Variants in SLC9A9 observed in about 807,000 individuals in gnomAD.
SLC9A9 encodes solute carrier family 9 member A9.
A neutral mutation model predicts 77.8 loss-of-function variants in SLC9A9; 62 were observed. The observed-to-expected ratio is 0.80, with a 90% CI of 0.65 to 0.98. SLC9A9 has a LOEUF of 0.98. Among genes scored for constraint, SLC9A9 ranks in the 50% least tolerant of loss-of-function variants. The pLI, the probability that SLC9A9 is intolerant of heterozygous loss-of-function variation, is 0.00. For synonymous variants in SLC9A9, 320 were observed against 283.5 expected (o/e 1.13, Z -1.29); for missense variants, 775 against 774.9 (o/e 1.00, Z 0.00).
intron 4 of SLC9A9, among the ~76,000 whole-genome samples, chr3:143,779,577 G>T (rs1258562856): frequency 6.6e-6 from 1 of 152,074 alleles, no homozygotes; most frequent in Non-Finnish European, 1.5e-5. Context: ...CACCATGTTG[G>T]CCAGGCTGCT....
intron 7 of SLC9A9, among the ~76,000 whole-genome samples, chr3:143,576,274 G>T (rs1464265135): frequency 1.3e-5 from 2 of 152,218 alleles, no homozygotes; most frequent in Non-Finnish European, 2.9e-5. Context: ...CTACCTTCCA[G>T]TGTTCTTGTA....
chr3:143,741,205 C>A (rs990353219), intron 4 of SLC9A9, among the ~76,000 whole-genome samples: 5 of 152,064 alleles, frequency 3.3e-5, no homozygotes, highest in African/African-American at 9.7e-5. Context: ...GTTCCTAACA[C>A]TGGGTAGGAA....
intron 5 of SLC9A9, among the ~76,000 whole-genome samples, chr3:143,679,012 T>G (rs1323386631): frequency 2.8e-5 from 4 of 145,158 alleles, no homozygotes; most frequent in Non-Finnish European, 4.5e-5. Flanking sequence ...TGTTTTGGAT[T>G]GATGTGTGTG....
At chr3:143,661,829 C>T (rs918609449) in intron 5 of SLC9A9, among the ~76,000 whole-genome samples, 1 of 152,154 alleles carries the variant, frequency 6.6e-6, no homozygotes, top group African/African-American at 2.4e-5. Context: ...CCGGCCTCCT[C>T]TTTCTCAGCT....
intron 14 of SLC9A9, among the ~76,000 whole-genome samples, chr3:143,291,067 G>C (rs1427358520): frequency 6.6e-6 from 1 of 152,232 alleles, no homozygotes; most frequent in Non-Finnish European, 1.5e-5. Flanking sequence ...TTGGGATTGG[G>C]TGAAGCCACG....
At position 143,747,082 on chromosome 3, in the gene SLC9A9, G is replaced by C. The variant is rs112885241; in HGVS notation, c.533+47919C>G. The stretch of plus-strand genomic sequence containing the variant: ...CAAAGATATGAGGTCCTAATCCCTG[G>C]AACCCATAAATGTTACCTTATATAA... On this transcript the variant is annotated intron_variant, in intron 4 of 15. Transcript: ENST00000316549. Among the ~76,000 whole-genome samples the C allele has an allele frequency of 3.3e-5, 5 of 152,186 alleles. 1 individual carries two copies. The highest frequency in any genetic ancestry group is 1.2e-4 in the African/African-American group (5 of 41,514).
intron 6 of SLC9A9, among the ~76,000 whole-genome samples, chr3:143,610,130 C>T (rs1263542674): frequency 2.0e-5 from 3 of 151,984 alleles, no homozygotes; most frequent in Middle Eastern, 3.2e-3. Context: ...TTAGAACTTT[C>T]GGAGTTTTCC....
intron 12 of SLC9A9, among the ~76,000 whole-genome samples, chr3:143,392,483 C>A (rs1559895534): frequency 6.6e-6 from 1 of 152,202 alleles, no homozygotes. Flanking sequence ...CTGGTACCAG[C>A]CACTGCAAAA....
chr3:143,623,726 C>T (rs528291780), intron 6 of SLC9A9, among the ~76,000 whole-genome samples: 2 of 152,250 alleles, frequency 1.3e-5, no homozygotes, highest in South Asian at 4.2e-4. Flanking sequence ...AGAGCAAATA[C>T]ATTCAAAAGC....
chr3:143,476,230 A>G (rs2035474575), intron 11 of SLC9A9, among the ~76,000 whole-genome samples: 1 of 152,196 alleles, frequency 6.6e-6, no homozygotes, highest in Non-Finnish European at 1.5e-5. Context: ...AGTGAAGCCA[A>G]CAGATTGTTT....
chr3:143,423,846 A>G (rs1346914481), intron 12 of SLC9A9, among the ~76,000 whole-genome samples: 1 of 152,226 alleles, frequency 6.6e-6, no homozygotes, highest in African/African-American at 2.4e-5. Context: ...TCACGTGCCA[A>G]CTGATGGCAT....
intron 6 of SLC9A9, among the ~76,000 whole-genome samples, chr3:143,581,737 G>T (rs2037457605): frequency 6.6e-6 from 1 of 152,300 alleles, no homozygotes; most frequent in South Asian, 2.1e-4. Flanking sequence ...GACAACAGGA[G>T]TTCAGGTACT....
Position 143,266,828 on chromosome 3 carries a change from C to T in SLC9A9, c.1812G>A (p.Arg604=). 6.2e-7 allele frequency: 1 copy of T among 1,614,168 alleles called. No homozygotes were observed. Among genetic ancestry groups the T allele is most frequent in the Non-Finnish European group, 8.5e-7 (1 of 1,180,016 alleles). Residue 604 remains arginine, a synonymous_variant, in exon 16 of 16, where the codon AGG becomes AGA. Coordinates refer to ENST00000316549, the MANE Select transcript of SLC9A9 (RefSeq NM_173653.4). ...QASSPCSPPA[R]LGLDQKASPQ... The stretch of plus-strand genomic sequence containing the variant: ...GTGAAGCTTTCTGGTCCAGACCTAG[C>T]CTTGCAGGAGGACTGCAGGGTGAGG...
intron 2 of SLC9A9, among the ~76,000 whole-genome samples, chr3:143,810,132 T>C (rs1291513822): frequency 6.6e-6 from 1 of 152,244 alleles, no homozygotes; most frequent in African/African-American, 2.4e-5. Flanking sequence ...CAGCAAATTT[T>C]AAATATTATC....
At chr3:143,703,288 T>C (rs192276797) in intron 4 of SLC9A9, among the ~76,000 whole-genome samples, 1 of 152,102 alleles carries the variant, frequency 6.6e-6, no homozygotes, top group East Asian at 1.9e-4. Flanking sequence ...AGCACATGGA[T>C]CATTCTCAAG....
intron 8 of SLC9A9, among the ~76,000 whole-genome samples, chr3:143,572,912 A>G (rs1245192129): frequency 6.6e-6 from 1 of 152,190 alleles, no homozygotes; most frequent in Non-Finnish European, 1.5e-5. Context: ...GGCTCCAACT[A>G]CTTCCTTCCT....
chr3:143,267,887 G>A (rs565139375), intron 15 of SLC9A9, among the ~76,000 whole-genome samples: 13 of 152,320 alleles, frequency 8.5e-5, no homozygotes, highest in African/African-American at 2.9e-4. Context: ...GGCCCTTGCC[G>A]GGGGATTTTT....
intron 9 of SLC9A9, among the ~76,000 whole-genome samples, chr3:143,502,361 T>A (rs934772342): frequency 6.6e-6 from 1 of 152,156 alleles, no homozygotes; most frequent in South Asian, 2.1e-4. Context: ...TGAACGCTCA[T>A]GGTAACCATT....
chr3:143,672,991 C>T (rs908524455), intron 5 of SLC9A9, among the ~76,000 whole-genome samples: 3 of 152,166 alleles, frequency 2.0e-5, no homozygotes, highest in African/African-American at 7.2e-5. Flanking sequence ...AGATTATCAA[C>T]ACCATCAAAG....
Sources: allele counts gnomAD v4.1 joint callset (sites outside exome capture counted in the v4.1 genomes callset), GRCh38; gene constraint gnomAD v4.1.1; transcripts MANE v1.5; gene names NCBI Gene and HGNC (gene_info 2026-07-23, HGNC 2026-07-21).